Variants in CHN2 observed in about 807,000 individuals in gnomAD.
CHN2 encodes the protein chimerin 2, also known as beta-chimaerin.
A neutral mutation model predicts 56.3 loss-of-function variants in CHN2; 35 were observed. The ratio of observed to expected loss-of-function variants is 0.62; its 90% CI spans 0.47 to 0.82. CHN2 has a LOEUF of 0.82. Among genes scored for constraint, CHN2 ranks in the 40% least tolerant of loss-of-function variants. The pLI is 0.00. For missense variants in CHN2, 491 were observed against 580.5 expected (o/e 0.85, Z 1.58); for synonymous variants, 210 against 212.8 (o/e 0.99, Z 0.12).
chr7:29,271,978 C>G (rs1391988891), intron 1 of CHN2, among the ~76,000 whole-genome samples: 1 of 152,132 alleles, frequency 6.6e-6, no homozygotes, highest in East Asian at 1.9e-4. Flanking sequence ...GGTGAAATCA[C>G]TATTTCACTG....
intron 1 of CHN2, among the ~76,000 whole-genome samples, chr7:29,243,413 C>A (rs1427757627): frequency 6.6e-6 from 1 of 152,184 alleles, no homozygotes; most frequent in Non-Finnish European, 1.5e-5. Flanking sequence ...TAAGTTGAAT[C>A]AGCTAAACTG....
chr7:29,252,841 C>T (rs1416371894), intron 1 of CHN2, among the ~76,000 whole-genome samples: 2 of 142,698 alleles, frequency 1.4e-5, no homozygotes, highest in East Asian at 2.1e-4. Context: ...ATGATCCACC[C>T]GCCTCGGCCT....
At chr7:29,283,435 C>T (rs1791889792) in intron 1 of CHN2, among the ~76,000 whole-genome samples, 1 of 152,070 alleles carries the variant, frequency 6.6e-6, no homozygotes, top group Non-Finnish European at 1.5e-5. Flanking sequence ...TCCATGTGGA[C>T]AGGACTAGTA....
At chr7:29,282,182 A>G (rs1791773075) in intron 1 of CHN2, among the ~76,000 whole-genome samples, 2 of 152,014 alleles carry the variant, frequency 1.3e-5, no homozygotes. Context: ...TTCACATTGG[A>G]GTTTGGTATT....
chr7:29,364,240 CCATT>C (rs1281460669), intron 2 of CHN2, among the ~76,000 whole-genome samples: 1 of 152,224 alleles, frequency 6.6e-6, no homozygotes, highest in Non-Finnish European at 1.5e-5. Flanking sequence ...CCCAGACTCT[CCATT>C]CATCCTCAAA....
At chr7:29,473,475 T>TG (rs1786304850) in intron 6 of CHN2, among the ~76,000 whole-genome samples, 1 of 120,076 alleles carries the variant, frequency 8.3e-6, no homozygotes, top group Non-Finnish European at 1.8e-5. Flanking sequence ...TTTGTGTTTT[T>TG]TTTTTTTTGT....
At chr7:29,202,491 G>A (rs1252047704) in intron 1 of CHN2, among the ~76,000 whole-genome samples, 1 of 152,210 alleles carries the variant, frequency 6.6e-6, no homozygotes, top group Non-Finnish European at 1.5e-5. Flanking sequence ...GGTGGAAGGT[G>A]TCTTTAAAGT....
intron 3 of CHN2, 42 bp from the exon 4 acceptor site, chr7:29,393,637 G>T: frequency 1.2e-6 from 1 of 817,648 alleles, no homozygotes; most frequent in South Asian, 1.5e-5. Context: ...TAGCTGATTT[G>T]AATTCAAATG....
At position 29,230,975 on chromosome 7, in the gene CHN2, C is replaced by T. The variant is rs149221060; in HGVS notation, c.49+35985C>T. On this transcript the variant is annotated intron_variant, in intron 1 of 12. Coordinates refer to ENST00000222792, the MANE Select transcript of CHN2 (RefSeq NM_004067.4). ...TGCCAGCAAGCATTTGTATTAGGCCCGTTTTGCAGATGTGGTACAGCAAGG... is the reference window on the plus strand; with the variant it reads ...TGCCAGCAAGCATTTGTATTAGGCCTGTTTTGCAGATGTGGTACAGCAAGG... Among the ~76,000 whole-genome samples, 41 of 152,244 alleles carry T rather than the reference C, an allele frequency of 2.7e-4. 1 individual carries two copies. In the East Asian group the frequency reaches 7.2e-3, roughly 27 times the overall value.
intron 1 of CHN2, among the ~76,000 whole-genome samples, chr7:29,350,949 A>T (rs1291713574): frequency 2.0e-5 from 3 of 152,054 alleles, no homozygotes; most frequent in Non-Finnish European, 2.9e-5. Flanking sequence ...CTCTACTAAA[A>T]ATACAAAAGT....
chr7:29,264,872 C>CA (rs570169872), intron 1 of CHN2, among the ~76,000 whole-genome samples: 1,159 of 114,100 alleles, frequency 0.01, 11 homozygotes, highest in East Asian at 0.03. Context: ...CTGTTAAAAG[C>CA]AAAAAAAAAA....
intron 1 of CHN2, among the ~76,000 whole-genome samples, chr7:29,251,529 G>T (rs778269300): frequency 2.0e-5 from 3 of 152,196 alleles, no homozygotes; most frequent in Non-Finnish European, 4.4e-5. Flanking sequence ...TTTTAGTGTT[G>T]TTATAGGGAT....
At chr7:29,445,959 G>T (rs537549422) in intron 6 of CHN2, among the ~76,000 whole-genome samples, 3 of 151,704 alleles carry the variant, frequency 2.0e-5, no homozygotes, top group Non-Finnish European at 4.4e-5. Context: ...GTGGCTACTC[G>T]TGCAGCTCTC....
chr7:29,427,129 C>T (rs1032705182), intron 6 of CHN2, among the ~76,000 whole-genome samples: 1 of 152,132 alleles, frequency 6.6e-6, no homozygotes, highest in African/African-American at 2.4e-5. Flanking sequence ...ACCAGCCTGG[C>T]CAACATGGGG....
chr7:29,453,864 T>C (rs7805526), intron 6 of CHN2, among the ~76,000 whole-genome samples: 6,882 of 152,270 alleles, frequency 0.045, 404 homozygotes, highest in African/African-American at 0.12. Flanking sequence ...TAGTCAGCTT[T>C]GTACCTGCTT....
intron 1 of CHN2, among the ~76,000 whole-genome samples, chr7:29,259,951 T>G (rs1448646210): frequency 6.6e-6 from 1 of 151,658 alleles, no homozygotes; most frequent in Admixed American, 6.6e-5. Context: ...GGAGTGGAGG[T>G]CAGACTTTTC....
intron 6 of CHN2, among the ~76,000 whole-genome samples, chr7:29,468,149 C>CCCCCA (rs1554298260): frequency 1.8e-5 from 2 of 109,870 alleles, no homozygotes; most frequent in African/African-American, 6.8e-5. Context: ...CGCCCCCCCC[C>CCCCCA]CCCCCCGCCC....
At chr7:29,292,962 A>G (rs567832342) in intron 1 of CHN2, 19 of 456,170 alleles carry the variant, frequency 4.2e-5, no homozygotes, top group African/African-American at 3.6e-4. Flanking sequence ...AGCTTCCAAA[A>G]TGTAAGTCAG....
intron 6 of CHN2, among the ~76,000 whole-genome samples, chr7:29,405,488 C>T (rs1470413846): frequency 6.6e-6 from 1 of 152,106 alleles, no homozygotes; most frequent in African/African-American, 2.4e-5. Flanking sequence ...CTCAGCTGTG[C>T]CCTCTGGGAC....
Sources: gnomAD v4.1 joint callset for allele counts (sites outside exome capture counted in the v4.1 genomes callset) on GRCh38, gnomAD v4.1.1 for gene constraint, MANE v1.5 for transcripts, NCBI Gene and HGNC (gene_info 2026-07-23, HGNC 2026-07-21) for gene names.